EHBP1: variants seen among roughly 807,000 people sequenced by gnomAD.
EHBP1 encodes the protein EH domain binding protein 1.
A neutral mutation model predicts 144.0 loss-of-function variants in EHBP1; 55 were observed. The observed-to-expected ratio is 0.38, with a 90% CI of 0.31 to 0.48. EHBP1 has a LOEUF of 0.48. EHBP1 is among the 20% of genes least tolerant of loss of function. The probability of loss-of-function intolerance (pLI) is 0.98; values close to 1 mark genes in which losing one functional copy is unlikely to be tolerated. For missense variants in EHBP1, 1,200 were observed against 1,364.2 expected (o/e 0.88, Z 1.90); for synonymous variants, 469 against 472.7 (o/e 0.99, Z 0.10).
At chr2:62,777,584 T>C (rs2042134448) in intron 5 of EHBP1, among the ~76,000 whole-genome samples, 1 of 152,070 alleles carries the variant, frequency 6.6e-6, no homozygotes, top group Non-Finnish European at 1.5e-5. Flanking sequence ...TAGTTTTTTG[T>C]TTGTTTGTTT....
chr2:62,933,073 A>G (rs2056130024), intron 10 of EHBP1, among the ~76,000 whole-genome samples: 2 of 151,884 alleles, frequency 1.3e-5, no homozygotes, highest in African/African-American at 2.4e-5. Context: ...AGTTATACCT[A>G]TTGCTATTTA....
At chr2:62,920,888 C>T (rs1558916408) in intron 10 of EHBP1, among the ~76,000 whole-genome samples, 1 of 151,910 alleles carries the variant, frequency 6.6e-6, no homozygotes, top group Non-Finnish European at 1.5e-5. Flanking sequence ...AGGCTGGTCT[C>T]GAATTCCTGA....
At chr2:62,713,281 C>T (rs1393448888) in intron 2 of EHBP1, among the ~76,000 whole-genome samples, 4 of 147,682 alleles carry the variant, frequency 2.7e-5, no homozygotes, top group Non-Finnish European at 5.9e-5. Flanking sequence ...GAGACAGAGT[C>T]ACACTCTGTT....
rs1460544859 is a variant in EHBP1, at chr2:62,942,714, C to T, written c.1186-4C>T. 23 of 1,544,556 alleles carry T rather than the reference C, an allele frequency of 1.5e-5. No individual in the cohort carries two copies. Among genetic ancestry groups the T allele is most frequent in the Non-Finnish European group, 1.8e-5 (21 of 1,146,316 alleles). ...AATGTTTTCCCCTTTTCATTTTTTT[C>T]TAGCCAAGCCCTATACCAAGTCCTG... is the stretch of plus-strand genomic sequence containing the variant. On this transcript the variant is annotated splice_polypyrimidine_tract_variant and splice_region_variant and intron_variant, in intron 10 of 22. Coordinates refer to ENST00000431489, the MANE Select transcript of EHBP1 (RefSeq NM_001142616.3).
intron 15 of EHBP1, among the ~76,000 whole-genome samples, chr2:62,989,217 A>G (rs542590163): frequency 8.7e-4 from 132 of 152,156 alleles, no homozygotes; most frequent in African/African-American, 2.9e-3. Flanking sequence ...TTAAAAAAAC[A>G]TTTTTGTTGC....
At chr2:62,905,633 TG>T (rs1391496175) in intron 10 of EHBP1, among the ~76,000 whole-genome samples, 1 of 152,080 alleles carries the variant, frequency 6.6e-6, no homozygotes, top group Non-Finnish European at 1.5e-5. Context: ...GAGACCAGCC[TG>T]GGCAACATGG....
intron 7 of EHBP1, among the ~76,000 whole-genome samples, chr2:62,843,060 T>G (rs1052098427): frequency 5.9e-5 from 9 of 152,218 alleles, no homozygotes; most frequent in Non-Finnish European, 1.3e-4. Context: ...TTAGACAGTT[T>G]AAAATTCTCT....
chr2:62,944,885 A>G (rs894833196), intron 12 of EHBP1, among the ~76,000 whole-genome samples: 2 of 152,250 alleles, frequency 1.3e-5, no homozygotes, highest in Non-Finnish European at 2.9e-5. Context: ...TCTTCAACTG[A>G]AAAATTAATG....
intron 2 of EHBP1, among the ~76,000 whole-genome samples, chr2:62,743,996 G>A (rs1428416060): frequency 6.6e-6 from 1 of 152,010 alleles, no homozygotes; most frequent in African/African-American, 2.4e-5. Flanking sequence ...CCTTTTTAAT[G>A]GCTTTGGAGA....
At chr2:62,941,638 T>A (rs1332258283) in intron 10 of EHBP1, among the ~76,000 whole-genome samples, 2 of 152,120 alleles carry the variant, frequency 1.3e-5, no homozygotes, top group African/African-American at 4.8e-5. Flanking sequence ...AGTGGGGGCA[T>A]CATTGATCTT....
intron 1 of EHBP1, among the ~76,000 whole-genome samples, chr2:62,674,555 T>C (rs577025408): frequency 1.3e-5 from 2 of 152,376 alleles, no homozygotes; most frequent in East Asian, 3.9e-4. Flanking sequence ...TGGTTAACCC[T>C]ACAGTAGGAT....
At chr2:62,934,568 C>G (rs573012443) in intron 10 of EHBP1, among the ~76,000 whole-genome samples, 91 of 152,270 alleles carry the variant, frequency 6.0e-4, no homozygotes, top group African/African-American at 2.0e-3. Context: ...ATCAGGTATG[C>G]TAGGCCATAT....
chr2:62,976,628 G>A (rs1314569601), intron 14 of EHBP1, among the ~76,000 whole-genome samples: 1 of 152,114 alleles, frequency 6.6e-6, no homozygotes, highest in East Asian at 1.9e-4. Flanking sequence ...CGTATAGATA[G>A]ATGTTTTACA....
chr2:62,703,948 C>A (rs748101173), upstream of EHBP1, among the ~76,000 whole-genome samples: 1 of 152,156 alleles, frequency 6.6e-6, no homozygotes, highest in Non-Finnish European at 1.5e-5. Context: ...GTGCAAAAAC[C>A]TTCTGATCAT....
chr2:62,718,790 G>A (rs1401934397), intron 2 of EHBP1, among the ~76,000 whole-genome samples: 1 of 152,076 alleles, frequency 6.6e-6, no homozygotes, highest in African/African-American at 2.4e-5. Flanking sequence ...TCTTACAGTG[G>A]TTCAGCTGTT....
chr2:62,948,975 G>T lies in EHBP1; in HGVS notation c.2129G>T (p.Cys710Phe), dbSNP rs762916707. 4 of 1,613,970 alleles carry T rather than the reference G, an allele frequency of 2.5e-6. No homozygotes were observed. The change falls in exon 13 of 23, where the codon TGC (cysteine) becomes TTC (phenylalanine). Residue 710 changes from cysteine (C) to phenylalanine (F), a missense_variant. Around this residue, in one of 6 missense-constraint regions of EHBP1, gnomAD observed 543 missense variants for 513.1 expected, o/e 1.06. Transcript: ENST00000431489. ...EKLENSRSLE[C>F]RSDPESPIKK... ...TTAGAGAATTCCAGATCCTTAGAAT[G>T]CAGATCAGATCCAGAATCTCCTATC...
intron 2 of EHBP1, among the ~76,000 whole-genome samples, chr2:62,710,933 A>G (rs2035086008): frequency 6.6e-6 from 1 of 152,208 alleles, no homozygotes; most frequent in East Asian, 1.9e-4. Context: ...CCATGGAGTG[A>G]TATAGAGATA....
At chr2:63,019,485 G>C (rs971412982) in intron 19 of EHBP1, among the ~76,000 whole-genome samples, 3 of 152,132 alleles carry the variant, frequency 2.0e-5, no homozygotes, top group African/African-American at 4.8e-5. Context: ...CAGGCGGGCA[G>C]ATCACGAGGT....
intron 2 of EHBP1, among the ~76,000 whole-genome samples, chr2:62,709,901 A>C (rs1404098558): frequency 6.6e-6 from 1 of 152,140 alleles, no homozygotes; most frequent in Admixed American, 6.5e-5. Context: ...CATTTGAGAG[A>C]GGGACAGTAT....
Sources: allele counts gnomAD v4.1 joint callset (sites outside exome capture counted in the v4.1 genomes callset), GRCh38; gene constraint gnomAD v4.1.1; regional missense constraint gnomAD v4.1.1; transcripts MANE v1.5; gene names NCBI Gene and HGNC (gene_info 2026-07-23, HGNC 2026-07-21).